The following CMC2 variants were observed in gnomAD, a reference collection of about 807,000 sequenced individuals.
CMC2 encodes the protein COX assembly mitochondrial protein 2 homolog.
CMC2 carries 5 observed loss-of-function variants against 7.5 expected under a neutral mutation model. That is an observed-to-expected ratio of 0.66 (90% CI 0.35 to 1.40). The LOEUF is 1.40. Ranked by LOEUF, CMC2 falls within the 40% of genes most tolerant of loss-of-function variation. CMC2 has a pLI of 0.04. For synonymous variants in CMC2, 37 were observed against 31.4 expected, an observed-to-expected ratio of 1.18 and a Z score of -0.60; for missense variants, 115 against 92.3, an observed-to-expected ratio of 1.25 and a Z score of -1.01.
intron 3 of CMC2, among the ~76,000 whole-genome samples, chr16:80,979,607 TTTTTA>T (rs1475945146): frequency 6.6e-6 from 1 of 151,474 alleles, no homozygotes; most frequent in East Asian, 1.9e-4. Context: ...TTTTATTTAT[TTTTTA>T]TTTTATTTTT....
At chr16:81,000,248 A>G (rs1338949715) in intron 1 of CMC2, among the ~76,000 whole-genome samples, 1 of 152,244 alleles carries the variant, frequency 6.6e-6, no homozygotes, top group Non-Finnish European at 1.5e-5. Context: ...CTGTAATCCC[A>G]GCGCTTTGGG....
chr16:80,985,196 G>A (rs775157671), intron 2 of CMC2, among the ~76,000 whole-genome samples: 5 of 152,176 alleles, frequency 3.3e-5, no homozygotes, highest in Middle Eastern at 3.2e-3. Flanking sequence ...CAGAGACACC[G>A]AGGGGTTCCT....
At chr16:80,984,471 T>A (rs1426274370) in intron 2 of CMC2, among the ~76,000 whole-genome samples, 1 of 152,240 alleles carries the variant, frequency 6.6e-6, no homozygotes, top group Non-Finnish European at 1.5e-5. Flanking sequence ...GAATAAGTGG[T>A]CAGTTTTTCC....
intron 1 of CMC2, among the ~76,000 whole-genome samples, chr16:81,000,353 G>C (rs12931852): frequency 6.6e-6 from 1 of 152,020 alleles, no homozygotes; most frequent in Non-Finnish European, 1.5e-5. Context: ...AAAATTAGCC[G>C]GGTGTGGTGG....
rs754212039 is a variant in CMC2 at position 80,973,156 on chromosome 16, C to A, written c.*2937G>T. 2 of 152,300 alleles carry A rather than the reference C, an allele frequency of 1.3e-5. No individual in the cohort carries two copies. Among genetic ancestry groups the A allele is most frequent in the Non-Finnish European group, 2.9e-5 (2 of 68,104 alleles). 9.4% of individuals were successfully genotyped at this position (152,300 alleles called of 1,614,324 possible). A position where few individuals can be genotyped will look rare whatever the true frequency, so the allele number is the denominator to read the frequency against. ...GAATAAGATGCAGCCACCCCTGGGA[C>A]TGGCTTCCTCTATGGAAAGGCAGGA... On this transcript the variant is annotated 3_prime_UTR_variant, in exon 4 of 4. Coordinates refer to ENST00000219400, the MANE Select transcript of CMC2 (RefSeq NM_020188.5).
At chr16:81,003,653 GAA>G (rs1341580111) in intron 1 of CMC2, among the ~76,000 whole-genome samples, 1 of 152,126 alleles carries the variant, frequency 6.6e-6, no homozygotes, top group African/African-American at 2.4e-5. Context: ...CATTCAGATG[GAA>G]AAACTATTTC....
intron 1 of CMC2, among the ~76,000 whole-genome samples, chr16:81,003,605 G>T (rs1969023212): frequency 6.6e-6 from 1 of 152,138 alleles, no homozygotes; most frequent in Admixed American, 6.6e-5. Context: ...GTTCAAAATA[G>T]GAAAGACAGG....
At chr16:80,988,689 T>C (rs1967735184) in intron 2 of CMC2, 2 of 618,862 alleles carry the variant, frequency 3.2e-6, no homozygotes, top group South Asian at 1.8e-5. Context: ...ATAGACCTTA[T>C]TCAAATTTCA....
At chr16:80,984,972 TC>T (rs1414359800) in intron 2 of CMC2, among the ~76,000 whole-genome samples, 8 of 152,176 alleles carry the variant, frequency 5.3e-5, no homozygotes, top group African/African-American at 1.9e-4. Context: ...GTGCCTGGTG[TC>T]AATTTCTTGA....
At chr16:81,005,238 T>C (rs1969179416) in intron 1 of CMC2, among the ~76,000 whole-genome samples, 1 of 152,132 alleles carries the variant, frequency 6.6e-6, no homozygotes, top group Non-Finnish European at 1.5e-5. Flanking sequence ...CTGGCCAACA[T>C]GGTGAATCCC....
At chr16:80,987,549 G>C (rs562936259) in intron 2 of CMC2, among the ~76,000 whole-genome samples, 1 of 152,260 alleles carries the variant, frequency 6.6e-6, no homozygotes, top group South Asian at 2.1e-4. Context: ...CAGATGCAAA[G>C]AATATCTAAG....
intron 1 of CMC2, among the ~76,000 whole-genome samples, chr16:80,999,981 T>C (rs1192850261): frequency 1.3e-5 from 2 of 152,168 alleles, no homozygotes; most frequent in African/African-American, 2.4e-5. Context: ...ATTCTGGACA[T>C]TCACCTTCGG....
At chr16:81,002,749 A>C (rs1968962859) in intron 1 of CMC2, among the ~76,000 whole-genome samples, 1 of 152,234 alleles carries the variant, frequency 6.6e-6, no homozygotes, top group Non-Finnish European at 1.5e-5. Flanking sequence ...GTAGGGTACC[A>C]ATAAAACGTC....
intron 1 of CMC2, chr16:80,998,727 T>C (rs2549866): frequency 0.63 from 95,768 of 151,992 alleles, 31,685 homozygotes; most frequent in South Asian, 0.79. Flanking sequence ...TGCTACAACA[T>C]GGATGAAATG....
rs34839018 is a variant in CMC2, at chr16:80,971,564, T to TTATATA, written c.*4523_*4528dup. The TTATATA allele has an allele frequency of 9.9e-5, 12 of 121,248 alleles. No homozygotes were observed. In the South Asian group the frequency reaches 1.4e-3, roughly 14 times the overall value. 7.5% of individuals were successfully genotyped at this position (121,248 alleles called of 1,614,324 possible). A position where few individuals can be genotyped will look rare whatever the true frequency, so the allele number is the denominator to read the frequency against. ...CTATGGATACTGACATACATACATT[T>TTATATA]TATATATATATATATATATATGTAT... On this transcript the variant is annotated 3_prime_UTR_variant, in exon 4 of 4. Transcript: ENST00000219400.
In CMC2 at chr16:80,972,770, T is replaced by A. The variant is rs16944339; in HGVS notation, c.*3323A>T. On this transcript the variant is annotated 3_prime_UTR_variant, in exon 4 of 4. Coordinates refer to ENST00000219400, the MANE Select transcript of CMC2 (RefSeq NM_020188.5). ...AGGAAATCTCTTCCTTCACTTGGTA[T>A]CCTGCACAGACCCTACAATGCCTTC... 0.22 allele frequency: 33,997 copies of A among 152,094 alleles called. 4,070 individuals are homozygous for A. The highest frequency in any genetic ancestry group is 0.42 in the East Asian group (2,146 of 5,146). The allele number at this position is 152,094 out of a possible 1,614,324, so 9.4% of individuals were successfully genotyped here. A position where few individuals can be genotyped will look rare whatever the true frequency, so the allele number is the denominator to read the frequency against.
chr16:81,002,494 T>C lies in CMC2; in HGVS notation c.-36+4240A>G, dbSNP rs183938503. ...AAATGTCTCTAACATTTTCTAAATG[T>C]ATTTGACAAAATATTTTTGCACATT... On this transcript the variant is annotated intron_variant, in intron 1 of 3. Transcript: ENST00000219400. Among the ~76,000 whole-genome samples, 634 of 152,336 alleles carry C rather than the reference T, an allele frequency of 4.2e-3. 3 individuals are homozygous for C. The highest frequency in any genetic ancestry group is 4.8e-3 in the Non-Finnish European group (327 of 68,032).
At chr16:81,005,006 T>C (rs1386551121) in intron 1 of CMC2, among the ~76,000 whole-genome samples, 1 of 152,246 alleles carries the variant, frequency 6.6e-6, no homozygotes, top group Non-Finnish European at 1.5e-5. Flanking sequence ...ACAGGAAATT[T>C]ACACTACAGT....
At chr16:81,006,352 T>C (rs1387479834) in intron 1 of CMC2, 2 of 152,242 alleles carry the variant, frequency 1.3e-5, no homozygotes, top group South Asian at 2.1e-4. Context: ...CAACACTTTA[T>C]TGGGCGCTCA....
Sources: allele counts gnomAD v4.1 joint callset (sites outside exome capture counted in the v4.1 genomes callset), GRCh38; gene constraint gnomAD v4.1.1; transcripts MANE v1.5; gene names NCBI Gene and HGNC (gene_info 2026-07-23, HGNC 2026-07-21).